NRXN1: variants seen among roughly 807,000 people sequenced by gnomAD.
NRXN1 encodes the protein neurexin-1.
In NRXN1, 39 loss-of-function variants were observed where a neutral mutation model predicts 150.9. The observed-to-expected ratio is 0.26, with a 90% CI of 0.20 to 0.34. The LOEUF (loss-of-function observed/expected upper bound fraction) is 0.34. Ranked by LOEUF, NRXN1 falls within the 10% of genes least tolerant of loss-of-function variation. NRXN1 has a pLI of 1.00. For missense variants in NRXN1, 1,815 were observed against 1,949.9 expected, an observed-to-expected ratio of 0.93 and a Z score of 1.30; for synonymous variants, 924 against 757.0, an observed-to-expected ratio of 1.22 and a Z score of -3.62.
intron 2 of NRXN1, among the ~76,000 whole-genome samples, chr2:50,961,839 T>C (rs1693242357): frequency 6.6e-6 from 1 of 151,690 alleles, no homozygotes; most frequent in African/African-American, 2.4e-5. Context: ...ATCATTTGTA[T>C]ATAGATACAT....
intron 2 of NRXN1, among the ~76,000 whole-genome samples, chr2:50,941,216 A>T (rs1023142941): frequency 2.0e-5 from 3 of 152,172 alleles, no homozygotes; most frequent in Non-Finnish European, 4.4e-5. Context: ...ACTCTGAGTC[A>T]ATTTAAACTC....
At chr2:50,356,224 CA>C (rs1344992375) in intron 17 of NRXN1, among the ~76,000 whole-genome samples, 4 of 152,058 alleles carry the variant, frequency 2.6e-5, no homozygotes, top group Admixed American at 2.0e-4. Flanking sequence ...ATTACTATAG[CA>C]AAACTTATCA....
chr2:50,785,973 G>A (rs1245330499), intron 5 of NRXN1, among the ~76,000 whole-genome samples: 5 of 151,840 alleles, frequency 3.3e-5, no homozygotes, highest in Admixed American at 6.6e-5. Flanking sequence ...TAACAGCCAC[G>A]CCCCCACCCT....
chr2:50,898,031 A>G (rs940530233), intron 5 of NRXN1, among the ~76,000 whole-genome samples: 2 of 152,212 alleles, frequency 1.3e-5, no homozygotes, highest in African/African-American at 2.4e-5. Flanking sequence ...AGTTTAGTTT[A>G]GATATGCCAG....
chr2:50,370,381 C>T (rs1347856960), intron 17 of NRXN1, among the ~76,000 whole-genome samples: 1 of 152,044 alleles, frequency 6.6e-6, no homozygotes, highest in African/African-American at 2.4e-5. Flanking sequence ...TAACAAGAAA[C>T]TAAGCAACAC....
intron 18 of NRXN1, among the ~76,000 whole-genome samples, chr2:50,195,673 T>C (rs1440914419): frequency 1.3e-5 from 2 of 152,244 alleles, no homozygotes; most frequent in East Asian, 1.9e-4. Context: ...CATAATTGCA[T>C]CTTATCTTTT....
intron 17 of NRXN1, among the ~76,000 whole-genome samples, chr2:50,263,883 G>C (rs559299334): frequency 1.2e-4 from 19 of 152,218 alleles, no homozygotes; most frequent in African/African-American, 4.6e-4. Flanking sequence ...GCATAGACCA[G>C]AATTGGTCTA....
In NRXN1 at chr2:50,641,025, T is replaced by C. The variant is rs562004477; in HGVS notation, c.833-17410A>G. ...GAAAAGTAGACACTCCATCCATCAG[T>C]AGCTTTTCCTGGATAGGCTCATCTT... On this transcript the variant is annotated intron_variant, in intron 5 of 22. Coordinates refer to ENST00000401669, the MANE Select transcript of NRXN1 (RefSeq NM_001330078.2). 8.6e-4 allele frequency among the ~76,000 whole-genome samples: 131 copies of C among 152,284 alleles called. 1 individual carries two copies. Among genetic ancestry groups the C allele is most frequent in the African/African-American group, 3.0e-3 (125 of 41,574 alleles).
At chr2:50,742,810 G>A (rs968785578) in intron 5 of NRXN1, among the ~76,000 whole-genome samples, 2 of 152,024 alleles carry the variant, frequency 1.3e-5, no homozygotes, top group African/African-American at 4.8e-5. Context: ...CTAACACTCA[G>A]TCATATAGAC....
At chr2:50,684,280 A>G (rs1574090652) in intron 5 of NRXN1, among the ~76,000 whole-genome samples, 1 of 152,138 alleles carries the variant, frequency 6.6e-6, no homozygotes, top group Non-Finnish European at 1.5e-5. Flanking sequence ...AGGCAGGTGG[A>G]TTGCTTGAGT....
At chr2:50,858,989 G>A (rs937757170) in intron 5 of NRXN1, among the ~76,000 whole-genome samples, 12 of 151,918 alleles carry the variant, frequency 7.9e-5, no homozygotes, top group Admixed American at 2.0e-4. Context: ...TTAACAGCCC[G>A]GCCTGTAAAT....
At chr2:50,977,623 G>C (rs1006139121) in intron 2 of NRXN1, among the ~76,000 whole-genome samples, 4 of 151,600 alleles carry the variant, frequency 2.6e-5, no homozygotes, top group African/African-American at 7.3e-5. Flanking sequence ...AATGTAAGTG[G>C]GTCCACCACA....
intron 17 of NRXN1, among the ~76,000 whole-genome samples, chr2:50,344,595 A>C (rs1575160060): frequency 1.3e-5 from 2 of 152,294 alleles, no homozygotes; most frequent in East Asian, 3.9e-4. Context: ...TTTCGATGAC[A>C]GACACCTCTG....
chr2:50,059,970 T>C lies in NRXN1; in HGVS notation c.3719-4926A>G, dbSNP rs559226751. On this transcript the variant is annotated intron_variant, in intron 19 of 22. Coordinates refer to ENST00000401669, the MANE Select transcript of NRXN1 (RefSeq NM_001330078.2). ...CTGCTAGGGCAGTGCAGAAAGAAAATGTGAGTGGGAGCCCCCACACAGAGT... is the reference window on the plus strand; with the variant it reads ...CTGCTAGGGCAGTGCAGAAAGAAAACGTGAGTGGGAGCCCCCACACAGAGT... Among the ~76,000 whole-genome samples the C allele has an allele frequency of 3.9e-5, 6 of 152,096 alleles. No homozygotes were observed. The East Asian group carries it at 1.2e-3, about 29-fold the overall frequency.
chr2:50,491,694 A>G (rs913203955), intron 15 of NRXN1, among the ~76,000 whole-genome samples: 2 of 152,196 alleles, frequency 1.3e-5, no homozygotes, highest in African/African-American at 4.8e-5. Flanking sequence ...CCATAAATAA[A>G]TCACTGTACT....
chr2:50,021,834 A>G, intron 21 of NRXN1, among the ~76,000 whole-genome samples: 1 of 152,174 alleles, frequency 6.6e-6, no homozygotes, highest in Admixed American at 6.5e-5. Context: ...TGGCTACAAC[A>G]TATATGTTAA....
chr2:50,902,339 T>C (rs940221162), intron 5 of NRXN1, among the ~76,000 whole-genome samples: 4 of 151,810 alleles, frequency 2.6e-5, no homozygotes, highest in African/African-American at 9.7e-5. Context: ...AATCACATTC[T>C]GAGTTTAGAA....
chr2:51,030,439 A>G (rs1339037926), intron 1 of NRXN1, among the ~76,000 whole-genome samples: 2 of 151,982 alleles, frequency 1.3e-5, no homozygotes, highest in Non-Finnish European at 2.9e-5. Flanking sequence ...TTCAGTACAG[A>G]GCAATCCCCA....
intron 5 of NRXN1, among the ~76,000 whole-genome samples, chr2:50,766,947 G>A (rs1702456300): frequency 6.6e-6 from 1 of 151,966 alleles, no homozygotes; most frequent in African/African-American, 2.4e-5. Context: ...TTCAAATATG[G>A]GAAAATAATT....
Sources: gnomAD v4.1 joint callset for allele counts (sites outside exome capture counted in the v4.1 genomes callset) on GRCh38, gnomAD v4.1.1 for gene constraint, MANE v1.5 for transcripts, NCBI Gene and HGNC (gene_info 2026-07-23, HGNC 2026-07-21) for gene names.